GALNTL6: variants seen among roughly 807,000 people sequenced by gnomAD.
GALNTL6 encodes polypeptide N-acetylgalactosaminyltransferase-like 6.
In GALNTL6, 46 loss-of-function variants were observed where a neutral mutation model predicts 73.7. The ratio of observed to expected loss-of-function variants is 0.62; its 90% CI spans 0.49 to 0.80. The LOEUF (loss-of-function observed/expected upper bound fraction) is 0.80. Among genes scored for constraint, GALNTL6 ranks in the 30% least tolerant of loss-of-function variants. The pLI is 0.00. For missense variants in GALNTL6, 604 were observed against 755.0 expected (o/e 0.80, Z 2.34); for synonymous variants, 259 against 263.7 (o/e 0.98, Z 0.17).
At chr4:171,835,128 C>T (rs1201274450) in intron 2 of GALNTL6, among the ~76,000 whole-genome samples, 1 of 151,936 alleles carries the variant, frequency 6.6e-6, no homozygotes, top group African/African-American at 2.4e-5. Context: ...GGAGTAAATT[C>T]AAAAGGATTT....
intron 2 of GALNTL6, among the ~76,000 whole-genome samples, chr4:171,898,863 T>G (rs1737000909): frequency 6.6e-6 from 1 of 152,062 alleles, no homozygotes; most frequent in Non-Finnish European, 1.5e-5. Context: ...GTATATAAAT[T>G]GTATCAAAAT....
intron 2 of GALNTL6, among the ~76,000 whole-genome samples, chr4:172,228,715 A>G (rs1736951493): frequency 6.6e-6 from 1 of 152,212 alleles, no homozygotes; most frequent in Non-Finnish European, 1.5e-5. Context: ...AAAAGAAAAA[A>G]TAGCATGTGA....
Position 172,700,440 on chromosome 4 carries a change from T to C in GALNTL6, c.554-108921T>C, listed in dbSNP as rs534502832. Among the ~76,000 whole-genome samples the C allele has an allele frequency of 9.9e-5, 15 of 152,282 alleles. 1 individual carries two copies. Among genetic ancestry groups the C allele is most frequent in the African/African-American group, 3.4e-4 (14 of 41,572 alleles). On this transcript the variant is annotated intron_variant, in intron 5 of 12. Coordinates refer to ENST00000506823, the MANE Select transcript of GALNTL6 (RefSeq NM_001034845.3). Reference sequence around the variant, plus strand: ...GACCAAAGGTGCTGATTTGAATGGATGTAATTGTAGAGGGATTTACTGATT... The same window carrying C: ...GACCAAAGGTGCTGATTTGAATGGACGTAATTGTAGAGGGATTTACTGATT...
rs536472208 is a variant in GALNTL6 at position 172,833,133 on chromosome 4, C to T, written c.923+19410C>T. 4.6e-5 allele frequency among the ~76,000 whole-genome samples: 7 copies of T among 152,126 alleles called. No individual in the cohort carries two copies. In the East Asian group the frequency reaches 1.4e-3, roughly 29 times the overall value. ...ACACACTAGAACATGGGCGTTCTTC[C>T]GGGATGACCCAATAATAAATATCCA... On this transcript the variant is annotated intron_variant, in intron 7 of 12. Coordinates refer to ENST00000506823, the MANE Select transcript of GALNTL6 (RefSeq NM_001034845.3).
intron 7 of GALNTL6, among the ~76,000 whole-genome samples, chr4:172,853,272 A>G (rs1341847662): frequency 6.6e-6 from 1 of 152,192 alleles, no homozygotes; most frequent in Non-Finnish European, 1.5e-5. Flanking sequence ...TTAGCTGGTG[A>G]GCACCCACAC....
chr4:172,396,251 C>T (rs1743845086), intron 5 of GALNTL6, among the ~76,000 whole-genome samples: 1 of 151,808 alleles, frequency 6.6e-6, no homozygotes, highest in African/African-American at 2.4e-5. Context: ...CTTCATGTTG[C>T]CAGGAAACTT....
At chr4:172,918,205 C>G (rs1579652602) in intron 8 of GALNTL6, among the ~76,000 whole-genome samples, 2 of 151,988 alleles carry the variant, frequency 1.3e-5, no homozygotes. Context: ...CACTTGGACA[C>G]AGAGTGGGGA....
At chr4:171,865,574 T>G (rs985076104) in intron 2 of GALNTL6, among the ~76,000 whole-genome samples, 1 of 152,240 alleles carries the variant, frequency 6.6e-6, no homozygotes. Flanking sequence ...CCAGATAGTT[T>G]AGAGAATGTT....
intron 2 of GALNTL6, among the ~76,000 whole-genome samples, chr4:172,094,984 C>T (rs1221227260): frequency 6.8e-6 from 1 of 147,322 alleles, no homozygotes; most frequent in African/African-American, 2.5e-5. Flanking sequence ...TTCTGGACCA[C>T]TTCTCCCACC....
At chr4:172,547,774 G>A (rs12498714) in intron 5 of GALNTL6, among the ~76,000 whole-genome samples, 133,510 of 152,230 alleles carry the variant, frequency 0.88, 58,618 homozygotes, top group African/African-American at 0.92. Context: ...TGATAGAAAT[G>A]TAACTTTTCA....
chr4:172,297,092 G>T (rs1449546805), intron 3 of GALNTL6, among the ~76,000 whole-genome samples: 1 of 152,112 alleles, frequency 6.6e-6, no homozygotes, highest in Non-Finnish European at 1.5e-5. Context: ...GTTTTGATTT[G>T]CATTTCTCTG....
At position 172,834,141 on chromosome 4, in the gene GALNTL6, A is replaced by T. The variant is rs532346768; in HGVS notation, c.923+20418A>T. Among the ~76,000 whole-genome samples, 24 of 152,058 alleles carry T rather than the reference A, an allele frequency of 1.6e-4. No homozygotes were observed. In the South Asian group the frequency reaches 4.0e-3, roughly 25 times the overall value. On this transcript the variant is annotated intron_variant, in intron 7 of 12. Transcript: ENST00000506823. ...TCAAAAACAATAAAAATAAAAATAA[A>T]CTCCCAAGAATCCCTTAACAAGAAG...
At chr4:173,030,162 A>T (rs1220499174) in intron 12 of GALNTL6, among the ~76,000 whole-genome samples, 1 of 150,924 alleles carries the variant, frequency 6.6e-6, no homozygotes, top group Non-Finnish European at 1.5e-5. Context: ...TTATCCTAAG[A>T]AGTTGTGATT....
chr4:172,351,849 T>G (rs1421184211), intron 5 of GALNTL6, among the ~76,000 whole-genome samples: 1 of 152,142 alleles, frequency 6.6e-6, no homozygotes, highest in African/African-American at 2.4e-5. Flanking sequence ...ATTTGCACTA[T>G]TTACCACCTT....
intron 4 of GALNTL6, among the ~76,000 whole-genome samples, chr4:172,345,790 G>C (rs551789183): frequency 6.6e-6 from 1 of 152,296 alleles, no homozygotes; most frequent in South Asian, 2.1e-4. Flanking sequence ...GGGAATGTGA[G>C]AAAGGAAGAC....
chr4:172,123,701 A>T (rs10005071), intron 2 of GALNTL6, among the ~76,000 whole-genome samples: 1 of 151,506 alleles, frequency 6.6e-6, no homozygotes, highest in Non-Finnish European at 1.5e-5. Flanking sequence ...GGGTTTCACC[A>T]TGTTGGCCAG....
At chr4:172,961,787 T>C (rs370496535) in intron 10 of GALNTL6, among the ~76,000 whole-genome samples, 17 of 152,312 alleles carry the variant, frequency 1.1e-4, no homozygotes, top group African/African-American at 3.6e-4. Flanking sequence ...CTTGGGCTGG[T>C]TGGTCTGAGG....
At chr4:172,906,743 C>T (rs1661926567) in intron 8 of GALNTL6, among the ~76,000 whole-genome samples, 1 of 152,172 alleles carries the variant, frequency 6.6e-6, no homozygotes, top group Non-Finnish European at 1.5e-5. Flanking sequence ...GCCATGTGGC[C>T]CCCTCCAGGG....
chr4:172,618,376 C>A (rs1408908003), intron 5 of GALNTL6, among the ~76,000 whole-genome samples: 2 of 152,226 alleles, frequency 1.3e-5, no homozygotes, highest in African/African-American at 4.8e-5. Flanking sequence ...TCCAAGAAAC[C>A]AAGGCACAGA....
Sources: gnomAD v4.1 joint callset for allele counts (sites outside exome capture counted in the v4.1 genomes callset) on GRCh38, gnomAD v4.1.1 for gene constraint, MANE v1.5 for transcripts, NCBI Gene and HGNC (gene_info 2026-07-23, HGNC 2026-07-21) for gene names.